Variants in CACNA1E observed in about 807,000 individuals in gnomAD.
CACNA1E encodes the protein voltage-dependent R-type calcium channel subunit alpha-1E.
In CACNA1E, 40 loss-of-function variants were observed where a neutral mutation model predicts 259.2. That is an observed-to-expected ratio of 0.15 (90% CI 0.12 to 0.20). The LOEUF (loss-of-function observed/expected upper bound fraction) is 0.20, where lower values mean the gene tolerates loss of function less well. Among genes scored for constraint, CACNA1E ranks in the 10% least tolerant of loss-of-function variants. The probability of loss-of-function intolerance (pLI) is 1.00; values close to 1 mark genes in which losing one functional copy is unlikely to be tolerated. For missense variants in CACNA1E, 1,874 were observed against 3,040.1 expected (o/e 0.62, Z 9.02); for synonymous variants, 1,104 against 1,138.5 (o/e 0.97, Z 0.61).
intron 7 of CACNA1E, among the ~76,000 whole-genome samples, chr1:181,660,456 T>C (rs1224884094): frequency 6.6e-6 from 1 of 152,236 alleles, no homozygotes. Flanking sequence ...AATTTTTTTT[T>C]GAGATTCATA....
chr1:181,381,516 G>T (rs564634235), intron 1 of CACNA1E, among the ~76,000 whole-genome samples: 78 of 152,270 alleles, frequency 5.1e-4, no homozygotes, highest in African/African-American at 1.9e-3. Context: ...GTGGGGAGGG[G>T]TAAGGGGAAG....
At chr1:181,345,334 T>A (rs914795342) in intron 1 of CACNA1E, among the ~76,000 whole-genome samples, 1 of 152,100 alleles carries the variant, frequency 6.6e-6, no homozygotes, top group Non-Finnish European at 1.5e-5. Flanking sequence ...TCACAGTCAG[T>A]GTGAATTTGA....
At chr1:181,521,451 G>T (rs112008451) in intron 3 of CACNA1E, among the ~76,000 whole-genome samples, 1,621 of 152,318 alleles carry the variant, frequency 0.011, 27 homozygotes, top group African/African-American at 0.036. Context: ...AGCCCACTCA[G>T]GGCTAAGCAT....
At chr1:181,426,090 G>A (rs961198353) in intron 2 of CACNA1E, among the ~76,000 whole-genome samples, 4 of 152,032 alleles carry the variant, frequency 2.6e-5, no homozygotes, top group Non-Finnish European at 5.9e-5. Flanking sequence ...CAGTTCTGGG[G>A]ACAGTGCTCC....
In CACNA1E at chr1:181,806,137, T is replaced by A. The variant is rs949322839; in HGVS notation, c.*7303T>A. On this transcript the variant is annotated 3_prime_UTR_variant, in exon 48 of 48. Coordinates refer to ENST00000367573, the MANE Select transcript of CACNA1E (RefSeq NM_001205293.3). ...TTGCTTTAAAGCGGCTCGAAGACAA[T>A]CTTTATGACTTCAGCAACTCTTCAA... 6.6e-6 allele frequency: 1 copy of A among 152,120 alleles called. No individual in the cohort carries two copies. The highest frequency in any genetic ancestry group is 1.5e-5 in the Non-Finnish European group (1 of 68,026). 9.4% of individuals were successfully genotyped at this position (152,120 alleles called of 1,614,324 possible). A position where few individuals can be genotyped will look rare whatever the true frequency, so the allele number is the denominator to read the frequency against.
At chr1:181,562,499 A>G (rs891374639) in intron 3 of CACNA1E, among the ~76,000 whole-genome samples, 8 of 152,200 alleles carry the variant, frequency 5.3e-5, no homozygotes, top group African/African-American at 1.9e-4. Context: ...GTATCTCTAC[A>G]GGATTAGTTC....
Position 181,485,847 on chromosome 1 carries a change from C to G in CACNA1E, c.266+1837C>G, listed in dbSNP as rs1663761495. ...GTGTTTATTCAGACAGGCGCCCTCC[C>G]GTTTCTTTGCGGTAGACAAAGCCGC... On this transcript the variant is annotated intron_variant, in intron 1 of 47. Coordinates refer to ENST00000367573, the MANE Select transcript of CACNA1E (RefSeq NM_001205293.3). This position sits in a 1 kb window ranked among gnomAD's most constrained non-coding sequence, Gnocchi z 4.2. Among the ~76,000 whole-genome samples the G allele has an allele frequency of 6.6e-6, 1 of 152,228 alleles. No homozygotes were observed. Among genetic ancestry groups the G allele is most frequent in the South Asian group, 2.1e-4 (1 of 4,830 alleles).
At chr1:181,490,417 A>C (rs1664210016) in intron 1 of CACNA1E, among the ~76,000 whole-genome samples, 1 of 151,844 alleles carries the variant, frequency 6.6e-6, no homozygotes, top group Non-Finnish European at 1.5e-5. Context: ...CCCATTTGTA[A>C]AGCAGTAGTT....
At chr1:181,536,800 A>G (rs1205325862) in intron 3 of CACNA1E, among the ~76,000 whole-genome samples, 1 of 152,152 alleles carries the variant, frequency 6.6e-6, no homozygotes, top group Admixed American at 6.5e-5. Flanking sequence ...ATGGAAAGGC[A>G]TGAGAGCACT....
In CACNA1E at chr1:181,772,100, C is replaced by T. The variant is rs143906181; in HGVS notation, c.5008C>T (p.Leu1670=). The change falls in exon 37 of 48, where the codon CTG becomes TTG. Residue 1670 remains leucine, a synonymous_variant. Coordinates refer to ENST00000367573, the MANE Select transcript of CACNA1E (RefSeq NM_001205293.3). ...ATGEAWQEIM[L]SCLGEKGCEP... Reference sequence around the variant, plus strand: ...AGGTGAGGCCTGGCAGGAGATTATGCTGTCATGCCTTGGGGAGAAGGGCTG... The same window carrying T: ...AGGTGAGGCCTGGCAGGAGATTATGTTGTCATGCCTTGGGGAGAAGGGCTG... The T allele has an allele frequency of 1.0e-4, 161 of 1,613,974 alleles. No individual in the cohort carries two copies. The African/African-American group carries it at 1.6e-3, about 16-fold the overall frequency.
intron 3 of CACNA1E, among the ~76,000 whole-genome samples, chr1:181,540,448 A>G (rs1668495524): frequency 6.6e-6 from 1 of 152,242 alleles, no homozygotes; most frequent in Non-Finnish European, 1.5e-5. Context: ...TGAATGACAC[A>G]TATGAAAGTG....
At chr1:181,395,516 G>T (rs1484469558) in intron 1 of CACNA1E, among the ~76,000 whole-genome samples, 1 of 152,182 alleles carries the variant, frequency 6.6e-6, no homozygotes, top group African/African-American at 2.4e-5. Flanking sequence ...CACATGACTG[G>T]ATGAGGTCAC....
At chr1:181,708,586 TC>T (rs947033820) in intron 7 of CACNA1E, among the ~76,000 whole-genome samples, 7 of 152,146 alleles carry the variant, frequency 4.6e-5, no homozygotes, top group Non-Finnish European at 8.8e-5. Context: ...GGTTGAGAAA[TC>T]AAGACACAGA....
chr1:181,674,394 C>CAAAAAAA (rs10711497), intron 7 of CACNA1E, among the ~76,000 whole-genome samples: 1 of 43,584 alleles, frequency 2.3e-5, no homozygotes, highest in Admixed American at 3.5e-4. Flanking sequence ...GACTCCATCT[C>CAAAAAAA]AAAAAAAAAA....
intron 3 of CACNA1E, among the ~76,000 whole-genome samples, chr1:181,538,286 C>T (rs759580600): frequency 1.3e-4 from 20 of 152,170 alleles, no homozygotes; most frequent in Non-Finnish European, 2.5e-4. Context: ...CTTTCAGGTT[C>T]AGAGAACTGA....
chr1:181,718,662 A>ACACC (rs1553333703), intron 12 of CACNA1E, among the ~76,000 whole-genome samples: 3 of 139,320 alleles, frequency 2.2e-5, no homozygotes, highest in African/African-American at 8.1e-5. Flanking sequence ...ACACACACAC[A>ACACC]CACACCCTTA....
At chr1:181,750,924 T>C (rs967633381) in intron 26 of CACNA1E, among the ~76,000 whole-genome samples, 6 of 152,036 alleles carry the variant, frequency 3.9e-5, no homozygotes, top group Admixed American at 3.3e-4. Context: ...CGATTAAATA[T>C]CTTTTGGCCT....
chr1:181,720,431 ATCCTG>A (rs1654315154), intron 14 of CACNA1E, 94 bp downstream of exon 14: 12 of 1,373,988 alleles, frequency 8.7e-6, no homozygotes, highest in Non-Finnish European at 1.1e-5. Flanking sequence ...CCATGTTACT[ATCCTG>A]TCTGCCTTTG....
chr1:181,685,813 T>G (rs1650473660), intron 7 of CACNA1E, among the ~76,000 whole-genome samples: 1 of 152,220 alleles, frequency 6.6e-6, no homozygotes, highest in South Asian at 2.1e-4. Flanking sequence ...TCTCAATACT[T>G]ACTCATTTGT....
Sources: allele counts gnomAD v4.1 joint callset (sites outside exome capture counted in the v4.1 genomes callset), GRCh38; gene constraint gnomAD v4.1.1; non-coding constraint Gnocchi (gnomAD v3.1); transcripts MANE v1.5; gene names NCBI Gene and HGNC (gene_info 2026-07-23, HGNC 2026-07-21).